Variants in MDGA2 observed in about 807,000 individuals in gnomAD.
MDGA2 encodes the protein MAM domain containing glycosylphosphatidylinositol anchor 2, also known as MAM domain-containing glycosylphosphatidylinositol anchor protein 2.
MDGA2 carries 40 observed loss-of-function variants against 117.8 expected under a neutral mutation model. That is an observed-to-expected ratio of 0.34 (90% CI 0.26 to 0.44). The LOEUF is 0.44. Among genes scored for constraint, MDGA2 ranks in the 20% least tolerant of loss-of-function variants. The pLI, the probability that MDGA2 is intolerant of heterozygous loss-of-function variation, is 1.00. For missense variants in MDGA2, 1,123 were observed against 1,250.6 expected, an observed-to-expected ratio of 0.90 and a Z score of 1.54; for synonymous variants, 452 against 439.0, an observed-to-expected ratio of 1.03 and a Z score of -0.37.
chr14:47,471,160 A>G (rs1893719264), intron 1 of MDGA2, among the ~76,000 whole-genome samples: 1 of 151,922 alleles, frequency 6.6e-6, no homozygotes, highest in Non-Finnish European at 1.5e-5. Context: ...CTTGCCAGGT[A>G]CGTGGTAGAT....
intron 2 of MDGA2, among the ~76,000 whole-genome samples, chr14:47,253,195 A>T (rs1427650876): frequency 6.6e-6 from 1 of 151,948 alleles, no homozygotes; most frequent in Non-Finnish European, 1.5e-5. Context: ...CCTCTCTCAA[A>T]TCTCATGTCC....
rs144923613 is a variant in MDGA2, at chr14:47,443,616, G to A, written c.281-142066C>T. On this transcript the variant is annotated intron_variant, in intron 1 of 16. Coordinates refer to ENST00000399232, the MANE Select transcript of MDGA2 (RefSeq NM_001113498.3). The stretch of plus-strand genomic sequence containing the variant: ...AAATTATGCATTTATGTTGTATTTT[G>A]TTTTTATAATAAAAGAATATCAAAT... Among the ~76,000 whole-genome samples, 70 of 152,046 alleles carry A rather than the reference G, an allele frequency of 4.6e-4. No homozygotes were observed. In the East Asian group the frequency reaches 0.012, roughly 27 times the overall value.
chr14:47,093,937 G>T (rs925307098), intron 6 of MDGA2, among the ~76,000 whole-genome samples: 2 of 152,058 alleles, frequency 1.3e-5, no homozygotes, highest in Admixed American at 6.6e-5. Context: ...GATAAACCTA[G>T]ATTTCTATAT....
chr14:46,898,264 C>A (rs1260560639), intron 10 of MDGA2, among the ~76,000 whole-genome samples: 1 of 151,828 alleles, frequency 6.6e-6, no homozygotes, highest in Non-Finnish European at 1.5e-5. Flanking sequence ...CTGGTAATTT[C>A]TCTGGTAAGA....
At chr14:47,191,539 T>C (rs2139407276) in intron 3 of MDGA2, among the ~76,000 whole-genome samples, 1 of 151,894 alleles carries the variant, frequency 6.6e-6, no homozygotes, top group Non-Finnish European at 1.5e-5. Flanking sequence ...AGTTGTCACA[T>C]CAGTTGTTTT....
chr14:47,588,106 T>C (rs59411532), intron 1 of MDGA2, among the ~76,000 whole-genome samples: 7,543 of 151,536 alleles, frequency 0.05, 633 homozygotes, highest in African/African-American at 0.17. Context: ...GCCCATATTT[T>C]ATTTATCTAC....
chr14:47,655,278 T>C (rs951858805), intron 1 of MDGA2, among the ~76,000 whole-genome samples: 10 of 152,154 alleles, frequency 6.6e-5, no homozygotes, highest in African/African-American at 2.4e-4. Context: ...AACACTGTTA[T>C]CCATCTCTAC....
rs1422410116 is a variant in MDGA2, at chr14:47,244,824, G to GTTCT, written c.421-26633_421-26630dup. ...TACCGAAACAGTATTTTGTTCCCAT[G>GTTCT]TTCTCTTAGAACAAGATCATTTGTA... On this transcript the variant is annotated intron_variant, in intron 2 of 16. Coordinates refer to ENST00000399232, the MANE Select transcript of MDGA2 (RefSeq NM_001113498.3). Among the ~76,000 whole-genome samples, 8 of 151,640 alleles carry GTTCT rather than the reference G, an allele frequency of 5.3e-5. No individual in the cohort carries two copies. In the South Asian group the frequency reaches 6.3e-4, roughly 12 times the overall value.
intron 1 of MDGA2, among the ~76,000 whole-genome samples, chr14:47,657,994 AG>A (rs771071467): frequency 3.3e-5 from 5 of 152,172 alleles, no homozygotes; most frequent in Non-Finnish European, 5.9e-5. Context: ...TGACATATGT[AG>A]GGTACCTGTG....
chr14:46,939,370 C>G (rs1263498353), intron 9 of MDGA2, among the ~76,000 whole-genome samples: 1 of 151,880 alleles, frequency 6.6e-6, no homozygotes, highest in Non-Finnish European at 1.5e-5. Context: ...TGCTTTGGAA[C>G]CCATAAATAA....
intron 9 of MDGA2, among the ~76,000 whole-genome samples, chr14:46,935,734 C>G (rs1236467782): frequency 6.6e-6 from 1 of 152,116 alleles, no homozygotes; most frequent in Non-Finnish European, 1.5e-5. Context: ...CTGTCTTCAC[C>G]TTCACCATCA....
rs1354108917 is a variant in MDGA2, at chr14:47,656,335, C to G, written c.280+18182G>C. On this transcript the variant is annotated intron_variant, in intron 1 of 16. Transcript: ENST00000399232. ...CAGCTCATCCCTATGACTGCATGGG[C>G]AGTCCTGTCTAACCACCAAGTTCAA... Among the ~76,000 whole-genome samples, 5 of 152,186 alleles carry G rather than the reference C, an allele frequency of 3.3e-5. No homozygotes were observed. In the East Asian group the frequency reaches 9.7e-4, roughly 29 times the overall value.
At chr14:46,967,045 A>AT (rs1353951841) in intron 8 of MDGA2, among the ~76,000 whole-genome samples, 2 of 152,174 alleles carry the variant, frequency 1.3e-5, no homozygotes, top group African/African-American at 4.8e-5. Context: ...AATTTTTTTA[A>AT]TTTTAAAAAC....
intron 1 of MDGA2, among the ~76,000 whole-genome samples, chr14:47,461,448 A>T (rs1006731022): frequency 6.6e-6 from 1 of 152,162 alleles, no homozygotes; most frequent in African/African-American, 2.4e-5. Flanking sequence ...ACCTAGAAAT[A>T]ACAACGAAGA....
intron 9 of MDGA2, among the ~76,000 whole-genome samples, chr14:46,931,468 T>C (rs775370010): frequency 1.3e-5 from 2 of 151,804 alleles, no homozygotes; most frequent in Non-Finnish European, 2.9e-5. Flanking sequence ...TTATAATTTT[T>C]AGTTATAATT....
chr14:47,585,740 C>T (rs749617212), intron 1 of MDGA2, among the ~76,000 whole-genome samples: 11 of 151,868 alleles, frequency 7.2e-5, no homozygotes, highest in Non-Finnish European at 1.3e-4. Flanking sequence ...TCTACCTATT[C>T]CCCTTTCATC....
intron 1 of MDGA2, among the ~76,000 whole-genome samples, chr14:47,337,720 TTAA>T (rs755198981): frequency 1.3e-5 from 2 of 152,010 alleles, no homozygotes; most frequent in Non-Finnish European, 2.9e-5. Context: ...ATGATGGCTA[TTAA>T]TAATTTTTAC....
intron 1 of MDGA2, among the ~76,000 whole-genome samples, chr14:47,388,246 T>A (rs1461230411): frequency 6.6e-6 from 1 of 152,166 alleles, no homozygotes; most frequent in East Asian, 1.9e-4. Flanking sequence ...TATAAGTGAT[T>A]TCTTAGTTTG....
intron 2 of MDGA2, among the ~76,000 whole-genome samples, chr14:47,225,833 C>A (rs1016972860): frequency 6.7e-6 from 1 of 148,496 alleles, no homozygotes; most frequent in Non-Finnish European, 1.5e-5. Flanking sequence ...AAAAAAAAAC[C>A]ATTTCTCTAC....
Sources: allele counts gnomAD v4.1 joint callset (sites outside exome capture counted in the v4.1 genomes callset), GRCh38; gene constraint gnomAD v4.1.1; transcripts MANE v1.5; gene names NCBI Gene and HGNC (gene_info 2026-07-23, HGNC 2026-07-21).